TTC39C: variants seen among roughly 807,000 people sequenced by gnomAD.
TTC39C encodes the protein tetratricopeptide repeat protein 39C.
A neutral mutation model predicts 76.3 loss-of-function variants in TTC39C; 33 were observed. The ratio of observed to expected loss-of-function variants is 0.43; its 90% CI spans 0.33 to 0.58. The LOEUF is 0.58. Among genes scored for constraint, TTC39C ranks in the 20% least tolerant of loss-of-function variants. TTC39C has a pLI of 0.04. For synonymous variants in TTC39C, 254 were observed against 260.6 expected (o/e 0.97, Z 0.24); for missense variants, 595 against 701.4 (o/e 0.85, Z 1.71).
intron 1 of TTC39C, among the ~76,000 whole-genome samples, chr18:24,040,470 T>G (rs908081219): frequency 2.6e-5 from 4 of 152,256 alleles, no homozygotes; most frequent in Non-Finnish European, 4.4e-5. Flanking sequence ...TTGGAATCTT[T>G]TCAAAGCATT....
chr18:24,070,892 G>T (rs554691064), intron 4 of TTC39C, among the ~76,000 whole-genome samples: 53 of 152,072 alleles, frequency 3.5e-4, no homozygotes, highest in South Asian at 8.3e-4. Flanking sequence ...TAAAGCAAAT[G>T]TAATAAAAGT....
intron 6 of TTC39C, among the ~76,000 whole-genome samples, chr18:24,092,115 A>T (rs1441844651): frequency 3.3e-5 from 4 of 121,822 alleles, no homozygotes; most frequent in Admixed American, 9.7e-5. Flanking sequence ...AAAAAAAAAA[A>T]AAAAAAAAAA....
At chr18:24,078,134 T>A (rs1455444742) in intron 4 of TTC39C, among the ~76,000 whole-genome samples, 1 of 152,264 alleles carries the variant, frequency 6.6e-6, no homozygotes, top group Non-Finnish European at 1.5e-5. Flanking sequence ...AAAAAAACTT[T>A]GTAGATTAAT....
At chr18:24,018,922 C>T (rs997876930) in intron 1 of TTC39C, among the ~76,000 whole-genome samples, 2 of 152,262 alleles carry the variant, frequency 1.3e-5, no homozygotes, top group East Asian at 1.9e-4. Flanking sequence ...TTCCCATGGT[C>T]GGTGCTTTCC....
intron 7 of TTC39C, chr18:24,114,894 T>C (rs1599339907): frequency 2.7e-6 from 1 of 374,206 alleles, no homozygotes; most frequent in East Asian, 5.7e-5. Flanking sequence ...ATTGATTAAA[T>C]GACCAGAAAT....
chr18:24,018,971 T>A lies in TTC39C; in HGVS notation c.167+3933T>A, dbSNP rs560689839. 2.6e-5 allele frequency among the ~76,000 whole-genome samples: 4 copies of A among 152,280 alleles called. No homozygotes were observed. The East Asian group carries it at 7.7e-4, about 29-fold the overall frequency. ...GCTACTGGGTGTCTCGTCAACTCAC[T>A]TTTCACCATGACCATTGTCCACAGC... On this transcript the variant is annotated intron_variant, in intron 1 of 13. Transcript: ENST00000317571.
intron 1 of TTC39C, among the ~76,000 whole-genome samples, chr18:24,049,152 A>G (rs540307313): frequency 9.8e-5 from 15 of 152,386 alleles, no homozygotes; most frequent in South Asian, 4.1e-4. Flanking sequence ...CGGTAAAGGC[A>G]GGAAATCACT....
chr18:24,103,172 C>T (rs2084700549), intron 6 of TTC39C, among the ~76,000 whole-genome samples: 1 of 152,182 alleles, frequency 6.6e-6, no homozygotes, highest in Non-Finnish European at 1.5e-5. Context: ...TTTCCAACTG[C>T]CTCATTCTGT....
At chr18:24,118,587 ATG>A (rs1223519174) in intron 8 of TTC39C, among the ~76,000 whole-genome samples, 1 of 151,406 alleles carries the variant, frequency 6.6e-6, no homozygotes, top group Non-Finnish European at 1.5e-5. Context: ...TTTACTTAAT[ATG>A]CTATGTTTTT....
intron 4 of TTC39C, among the ~76,000 whole-genome samples, chr18:24,069,542 A>G (rs2084210798): frequency 6.6e-6 from 1 of 152,190 alleles, no homozygotes; most frequent in Non-Finnish European, 1.5e-5. Context: ...ATATGTATGT[A>G]GATGTATAAT....
intron 1 of TTC39C, among the ~76,000 whole-genome samples, chr18:24,002,039 G>A (rs762824111): frequency 6.6e-5 from 10 of 152,044 alleles, no homozygotes; most frequent in Non-Finnish European, 7.4e-5. Flanking sequence ...CTGTTTTGTC[G>A]TTGCTTACTT....
rs35872928 is a variant in TTC39C, at chr18:24,109,176, CAAAAAAAAA to C, written c.985-5364_985-5356del. On this transcript the variant is annotated intron_variant, in intron 6 of 13. Coordinates refer to ENST00000317571, the MANE Select transcript of TTC39C (RefSeq NM_001135993.2). The stretch of plus-strand genomic sequence containing the variant: ...AAACATAGCAAGACTCCCGTCTCTA[CAAAAAAAAA>C]AAAAAAAAAAAAAGTTAAAAAATTA... Among the ~76,000 whole-genome samples, 31 of 73,876 alleles carry C rather than the reference CAAAAAAAAA, an allele frequency of 4.2e-4. 1 individual carries two copies. The South Asian group carries it at 8.4e-3, about 20-fold the overall frequency. The allele number at this position is 73,876 out of a possible 152,430, so 48.5% of individuals were successfully genotyped here.
chr18:24,067,807 G>A (rs771642807), intron 3 of TTC39C, among the ~76,000 whole-genome samples: 20 of 152,002 alleles, frequency 1.3e-4, no homozygotes, highest in South Asian at 4.2e-4. Flanking sequence ...CTTGGTTTTC[G>A]GTGGCCCCTC....
At chr18:24,127,658 A>AG (rs2085067683) in intron 10 of TTC39C, among the ~76,000 whole-genome samples, 4 of 152,042 alleles carry the variant, frequency 2.6e-5, no homozygotes, top group Admixed American at 2.6e-4. Context: ...CTGGGACTAC[A>AG]GGGGGCATGC....
chr18:24,130,278 A>G, intron 11 of TTC39C, 35 bp from the exon 12 acceptor site: 1 of 1,236,960 alleles, frequency 8.1e-7, no homozygotes, highest in Non-Finnish European at 1.1e-6. Context: ...AAGTAGGAAA[A>G]TGAATTCATC....
chr18:23,997,706 G>GAAAA, intron 1 of TTC39C, among the ~76,000 whole-genome samples: 1 of 150,776 alleles, frequency 6.6e-6, no homozygotes, highest in African/African-American at 2.4e-5. Context: ...AAGAAAGAAA[G>GAAAA]AAAGAAAGAA....
At chr18:24,077,366 ACT>A (rs1318842384) in intron 4 of TTC39C, 1 of 152,126 alleles carries the variant, frequency 6.6e-6, no homozygotes, top group Non-Finnish European at 1.5e-5. Flanking sequence ...ACTATTTTGC[ACT>A]CTCTAATTTA....
chr18:24,075,959 C>G (rs779305669), intron 4 of TTC39C, among the ~76,000 whole-genome samples: 1 of 152,200 alleles, frequency 6.6e-6, no homozygotes, highest in Non-Finnish European at 1.5e-5. Flanking sequence ...CTCTCGCCCC[C>G]TCCATCTCTC....
At chr18:24,128,580 C>T (rs1447694179) in intron 10 of TTC39C, among the ~76,000 whole-genome samples, 7 of 152,116 alleles carry the variant, frequency 4.6e-5, no homozygotes, top group African/African-American at 7.2e-5. Flanking sequence ...GGAAAACTCC[C>T]GTAACATTCT....
Sources: gnomAD v4.1 joint callset for allele counts (sites outside exome capture counted in the v4.1 genomes callset) on GRCh38, gnomAD v4.1.1 for gene constraint, MANE v1.5 for transcripts, NCBI Gene and HGNC (gene_info 2026-07-23, HGNC 2026-07-21) for gene names.